The following EHMT1 variants were observed in gnomAD, a reference collection of about 807,000 sequenced individuals.
EHMT1 encodes the protein euchromatic histone lysine methyltransferase 1, also known as histone-lysine N-methyltransferase EHMT1.
Under a neutral mutation model 147.2 loss-of-function variants are expected in EHMT1, and 15 were observed. The observed-to-expected ratio is 0.10, with a 90% CI of 0.07 to 0.16. EHMT1 has a LOEUF of 0.16. Among genes scored for constraint, EHMT1 ranks in the 10% least tolerant of loss-of-function variants. The pLI, the probability that EHMT1 is intolerant of heterozygous loss-of-function variation, is 1.00. For missense variants in EHMT1, 1,587 were observed against 1,772.4 expected, an observed-to-expected ratio of 0.90 and a Z score of 1.88; for synonymous variants, 795 against 709.6, an observed-to-expected ratio of 1.12 and a Z score of -1.91.
In EHMT1 at chr9:137,732,504, C is replaced by T. The variant is rs1947195655; in HGVS notation, c.823+3975C>T. Among the ~76,000 whole-genome samples the T allele has an allele frequency of 6.6e-6, 1 of 152,158 alleles. No homozygotes were observed. Among genetic ancestry groups the T allele is most frequent in the Non-Finnish European group, 1.5e-5 (1 of 68,024 alleles). On this transcript the variant is annotated intron_variant, in intron 4 of 26. Coordinates refer to ENST00000460843, the MANE Select transcript of EHMT1 (RefSeq NM_024757.5). The surrounding 1 kb of genome is among the most constrained non-coding windows in gnomAD (Gnocchi z 4.6). ...TCAGTAGCTCCTACTGGCAGGGAGG[C>T]AGTCCTGTTGTGTGGCTGAGTCTGG...
At chr9:137,808,452 GT>G (rs1188737806) in intron 18 of EHMT1, among the ~76,000 whole-genome samples, 2 of 152,152 alleles carry the variant, frequency 1.3e-5, no homozygotes, top group African/African-American at 4.8e-5. Context: ...ATGGTCATAG[GT>G]TTTGACTGTT....
intron 25 of EHMT1, chr9:137,823,639 C>T (rs886824405): frequency 1.6e-5 from 3 of 190,724 alleles, no homozygotes; most frequent in African/African-American, 7.2e-5. Context: ...TCTCGATCTC[C>T]TGACCTCGTG....
chr9:137,766,412 T>G (rs1030900951), intron 10 of EHMT1, among the ~76,000 whole-genome samples: 1 of 152,142 alleles, frequency 6.6e-6, no homozygotes, highest in Non-Finnish European at 1.5e-5. Context: ...CTCAGGAGTT[T>G]GAGACCATCG....
intron 1 of EHMT1, among the ~76,000 whole-genome samples, chr9:137,623,873 G>A (rs1843091256): frequency 6.6e-6 from 1 of 152,124 alleles, no homozygotes; most frequent in African/African-American, 2.4e-5. Flanking sequence ...GTCTGGAGGA[G>A]TGGTTCAATG....
chr9:137,757,085 T>C (rs1949432037), intron 8 of EHMT1, among the ~76,000 whole-genome samples: 1 of 152,216 alleles, frequency 6.6e-6, no homozygotes, highest in African/African-American at 2.4e-5. Context: ...GGTACACACT[T>C]TCATAGGCCT....
chr9:137,738,671 CAA>C (rs940457363), intron 4 of EHMT1: 2 of 152,156 alleles, frequency 1.3e-5, no homozygotes, highest in African/African-American at 2.4e-5. Flanking sequence ...AACGGATCAG[CAA>C]AGTGTCGTGT....
chr9:137,620,083 TTTTG>T (rs1842860787), intron 1 of EHMT1: 1 of 152,218 alleles, frequency 6.6e-6, no homozygotes, highest in Non-Finnish European at 1.5e-5. Flanking sequence ...TGTATGGCCT[TTTTG>T]TTTATTTTTT....
intron 1 of EHMT1, among the ~76,000 whole-genome samples, chr9:137,704,989 C>T (rs1222482113): frequency 6.9e-6 from 1 of 144,596 alleles, no homozygotes; most frequent in Non-Finnish European, 1.5e-5. Context: ...CTTCCTTTTC[C>T]ATTTTCTTTT....
intron 15 of EHMT1, among the ~76,000 whole-genome samples, chr9:137,783,894 T>G (rs2136929713): frequency 6.6e-6 from 1 of 152,362 alleles, no homozygotes; most frequent in Middle Eastern, 3.4e-3. Context: ...TTTCCCTCGT[T>G]TTTGGATATA....
intron 3 of EHMT1, among the ~76,000 whole-genome samples, chr9:137,721,153 C>A (rs371718625): frequency 2.3e-5 from 3 of 132,860 alleles, no homozygotes; most frequent in Admixed American, 2.2e-4. Context: ...TCACACTCAC[C>A]CCTCCCAGAC....
rs779153176 is a variant in EHMT1, at chr9:137,716,885, G to T, written c.345G>T (p.Val115=). Residue 115 remains valine (V), a synonymous_variant, in exon 3 of 27, where the codon GTG becomes GTT. Transcript: ENST00000460843. Reference sequence around the variant, plus strand: ...ACCACGTCACTGCCGACGACTTTGTGCAGACTTCTGTCATCGGCAGCAACG... The same window carrying T: ...ACCACGTCACTGCCGACGACTTTGTTCAGACTTCTGTCATCGGCAGCAACG... ...KQNHVTADDF[V]QTSVIGSNGY... is the part of the protein sequence containing the mutation. The T allele has an allele frequency of 6.2e-7, 1 of 1,613,212 alleles. No homozygotes were observed. The highest frequency in any genetic ancestry group is 1.7e-5 in the Admixed American group (1 of 59,994).
chr9:137,646,462 C>T (rs1377939821), intron 1 of EHMT1: 12 of 980,428 alleles, frequency 1.2e-5, no homozygotes, highest in African/African-American at 3.5e-5. Flanking sequence ...ATGGGAGCCC[C>T]GAGGAGTGCT....
chr9:137,779,509 G>T, intron 13 of EHMT1, 126 bp from the exon 14 acceptor site: 1 of 972,974 alleles, frequency 1.0e-6, no homozygotes, highest in Non-Finnish European at 1.6e-6. Context: ...TCAGCTTCAT[G>T]TGTGGGACGC....
chr9:137,716,903 C>A lies in EHMT1; in HGVS notation c.363C>A (p.Gly121=). 6.2e-7 allele frequency: 1 copy of A among 1,613,158 alleles called. No individual in the cohort carries two copies. Among genetic ancestry groups the A allele is most frequent in the Non-Finnish European group, 8.5e-7 (1 of 1,179,900 alleles). The part of the protein sequence containing the change: ...ADDFVQTSVI[G]SNGYILNKPA... ...ACTTTGTGCAGACTTCTGTCATCGG[C>A]AGCAACGGATACATCTTAAATAAGC... Residue 121 remains glycine (G), a synonymous_variant, in exon 3 of 27, where the codon GGC becomes GGA. Transcript: ENST00000460843.
chr9:137,805,969 TC>T (rs969267328), intron 18 of EHMT1, among the ~76,000 whole-genome samples: 1 of 151,484 alleles, frequency 6.6e-6, no homozygotes, highest in African/African-American at 2.4e-5. Context: ...CCTGGTTTTT[TC>T]TTTTTTTTTT....
intron 2 of EHMT1, among the ~76,000 whole-genome samples, chr9:137,715,121 G>C (rs887662966): frequency 6.6e-6 from 1 of 152,104 alleles, no homozygotes; most frequent in African/African-American, 2.4e-5. Flanking sequence ...GTTGCTAATT[G>C]AGTCTGTTTT....
intron 1 of EHMT1, among the ~76,000 whole-genome samples, chr9:137,645,445 C>G (rs1844814691): frequency 6.6e-6 from 1 of 152,228 alleles, no homozygotes. Context: ...AGCTTCTGCA[C>G]TGGGAGCCAC....
At chr9:137,651,536 C>T (rs941956300) in intron 1 of EHMT1, among the ~76,000 whole-genome samples, 2 of 152,174 alleles carry the variant, frequency 1.3e-5, no homozygotes, top group Non-Finnish European at 2.9e-5. Flanking sequence ...GTAATCCCAT[C>T]GCTGTGGGAG....
chr9:137,787,628 TG>T lies in EHMT1; in HGVS notation c.2383-3218del. The T allele has an allele frequency of 2.0e-6, 1 of 502,446 alleles. No homozygotes were observed. Among genetic ancestry groups the T allele is most frequent in the Non-Finnish European group, 3.6e-6 (1 of 278,278 alleles). 31.1% of individuals were successfully genotyped at this position (502,446 alleles called of 1,614,324 possible). On this transcript the variant is annotated intron_variant, in intron 15 of 26. Coordinates refer to ENST00000460843, the MANE Select transcript of EHMT1 (RefSeq NM_024757.5). The surrounding 1 kb of genome is among the most constrained non-coding windows in gnomAD (Gnocchi z 4.2). ...TGGCTCCCTGGCAACAAGCTGGGGG[TG>T]GAAGCGGGAGGGAGGAGGGGCCTGT...
Sources: gnomAD v4.1 joint callset for allele counts (sites outside exome capture counted in the v4.1 genomes callset) on GRCh38, gnomAD v4.1.1 for gene constraint, Gnocchi (gnomAD v3.1) non-coding constraint, MANE v1.5 for transcripts, NCBI Gene and HGNC (gene_info 2026-07-23, HGNC 2026-07-21) for gene names.